The following ZNF330 variants were observed in gnomAD, a reference collection of about 807,000 sequenced individuals.
ZNF330 encodes zinc finger protein 330.
In ZNF330, 31 loss-of-function variants were observed where a neutral mutation model predicts 45.5. That is an observed-to-expected ratio of 0.68 (90% CI 0.51 to 0.92). ZNF330 has a LOEUF of 0.92. ZNF330 is among the 40% of genes least tolerant of loss of function. The pLI is 0.00. For missense variants in ZNF330, 356 were observed against 387.4 expected, an observed-to-expected ratio of 0.92 and a Z score of 0.68; for synonymous variants, 138 against 123.2, an observed-to-expected ratio of 1.12 and a Z score of -0.79.
Position 141,229,650 on chromosome 4 carries a change from T to G in ZNF330, c.371T>G (p.Leu124Arg). The G allele has an allele frequency of 6.2e-7, 1 of 1,613,238 alleles. No individual in the cohort carries two copies. The highest frequency in any genetic ancestry group is 8.5e-7 in the Non-Finnish European group (1 of 1,179,350). ...AGTACACATGCTTGTGCCTGCCCTC[T>G]TACCGATGCTGAGTGTGTTGAATGT... ...CLSTHACACP[L>R]TDAECVECER... The change falls in exon 6 of 10, where the codon CTT becomes CGT. Residue 124 changes from leucine to arginine, a missense_variant. Physicochemically the swap from Leu to Arg is moderately radical, Grantham distance 102 (BLOSUM62 -2). Coordinates refer to ENST00000262990, the MANE Select transcript of ZNF330 (RefSeq NM_014487.6).
chr4:141,229,747 T>C (rs760452956), intron 6 of ZNF330, 50 bp downstream of exon 6: 47 of 1,607,094 alleles, frequency 2.9e-5, no homozygotes, highest in Non-Finnish European at 3.7e-5. Flanking sequence ...GAATGTTGAC[T>C]TTGAAACATT....
intron 2 of ZNF330, chr4:141,223,832 T>G: frequency 4.4e-6 from 2 of 455,172 alleles, no homozygotes. Context: ...AGGTGGGATT[T>G]TCACCAGAAC....
At chr4:141,230,530 C>T (rs949913199) in intron 7 of ZNF330, among the ~76,000 whole-genome samples, 4 of 152,044 alleles carry the variant, frequency 2.6e-5, no homozygotes, top group Admixed American at 6.6e-5. Flanking sequence ...AGGACTTACA[C>T]CTTTCGTGGT....
chr4:141,231,582 G>T, intron 8 of ZNF330, 97 bp downstream of exon 8: 1 of 841,724 alleles, frequency 1.2e-6, no homozygotes, highest in Non-Finnish European at 1.8e-6. Context: ...TAATTTATAA[G>T]GGACCTTAAA....
At chr4:141,231,785 C>G (rs1578814010) in intron 8 of ZNF330, among the ~76,000 whole-genome samples, 1 of 151,982 alleles carries the variant, frequency 6.6e-6, no homozygotes, top group Non-Finnish European at 1.5e-5. Flanking sequence ...TAATTAATGT[C>G]AAAATATACC....
Position 141,233,816 on chromosome 4 carries a change from G to T in ZNF330, c.790G>T (p.Asp264Tyr), listed in dbSNP as rs1267066653. 1 of 1,613,652 alleles carries T rather than the reference G, an allele frequency of 6.2e-7. No homozygotes were observed. Among genetic ancestry groups the T allele is most frequent in the Non-Finnish European group, 8.5e-7 (1 of 1,179,796 alleles). Residue 264 changes from aspartate (D) to tyrosine (Y), a missense_variant, in exon 10 of 10, where the codon GAT becomes TAT. Transcript: ENST00000262990. ...WKNLSSDKYGDTSYHDEEEDE... is the reference protein window; with the variant it reads ...WKNLSSDKYGYTSYHDEEEDE... ...GAACCTTTCATCTGATAAGTATGGT[G>T]ATACCAGCTACCACGATGAGGAGGA...
intron 5 of ZNF330, among the ~76,000 whole-genome samples, chr4:141,227,253 G>A (rs1297765790): frequency 1.3e-5 from 2 of 151,590 alleles, no homozygotes; most frequent in African/African-American, 4.9e-5. Flanking sequence ...TTAGCATTAG[G>A]TATATCTCCT....
In ZNF330 at chr4:141,233,768, T is replaced by C. The variant is rs1729014234; in HGVS notation, c.742T>C (p.Ser248Pro). Residue 248 changes from serine to proline, a missense_variant, in exon 10 of 10, where the codon TCT becomes CCT. Physicochemically the swap from Ser to Pro is moderately conservative, Grantham distance 74. Coordinates refer to ENST00000262990, the MANE Select transcript of ZNF330 (RefSeq NM_014487.6). ...QTGGEEGDGASGYDAYWKNLS... is the reference protein window; with the variant it reads ...QTGGEEGDGAPGYDAYWKNLS... ...TGGAGGTGAAGAGGGAGATGGAGCT[T>C]CTGGGTATGATGCTTATTGGAAGAA... 6.2e-7 allele frequency: 1 copy of C among 1,613,400 alleles called. No homozygotes were observed. The highest frequency in any genetic ancestry group is 8.5e-7 in the Non-Finnish European group (1 of 1,179,712).
chr4:141,234,011 G>A lies in ZNF330; in HGVS notation c.*22G>A, dbSNP rs1454744483. 6.3e-7 allele frequency: 1 copy of A among 1,597,972 alleles called. No individual in the cohort carries two copies. The highest frequency in any genetic ancestry group is 1.1e-5 in the South Asian group (1 of 88,128). ...CTAGGGGAGCTGCTCTGGTGGCCGT[G>A]TGTGAGAGGAGCAGGAGTGAGTGTG... On this transcript the variant is annotated 3_prime_UTR_variant, in exon 10 of 10. Transcript: ENST00000262990.
At chr4:141,225,338 T>A (rs1728778566) in intron 4 of ZNF330, among the ~76,000 whole-genome samples, 1 of 152,078 alleles carries the variant, frequency 6.6e-6, no homozygotes, top group African/African-American at 2.4e-5. Flanking sequence ...GGATATTTCT[T>A]GAAAAATATA....
At chr4:141,232,668 G>A (rs1302903478) in intron 9 of ZNF330, 26 bp downstream of exon 9, 2 of 1,290,266 alleles carry the variant, frequency 1.6e-6, no homozygotes, top group African/African-American at 3.1e-5. Context: ...TACTAAGGAA[G>A]TGATTTTTGC....
At chr4:141,231,554 C>A (rs1728959404) in intron 8 of ZNF330, 69 bp downstream of exon 8, 3 of 1,118,132 alleles carry the variant, frequency 2.7e-6, no homozygotes, top group South Asian at 1.6e-5. Flanking sequence ...CAGTCCTTGG[C>A]TTATATGCAG....
chr4:141,231,356 A>G (rs907197773), intron 7 of ZNF330, 83 bp from the exon 8 acceptor site: 32 of 1,332,608 alleles, frequency 2.4e-5, no homozygotes, highest in African/African-American at 3.0e-5. Context: ...ATTCCATTGC[A>G]AGCTTTTAGT....
At chr4:141,231,357 A>G (rs1728950783) in intron 7 of ZNF330, 82 bp from the exon 8 acceptor site, 1 of 1,342,242 alleles carries the variant, frequency 7.5e-7, no homozygotes, top group African/African-American at 1.5e-5. Context: ...TTCCATTGCA[A>G]GCTTTTAGTG....
chr4:141,230,409 C>A, intron 7 of ZNF330, 139 bp downstream of exon 7: 1 of 565,186 alleles, frequency 1.8e-6, no homozygotes, highest in Non-Finnish European at 3.0e-6. Context: ...TTTTCTGTTT[C>A]TAGAAAACAG....
chr4:141,229,961 G>A (rs767758685), intron 6 of ZNF330, among the ~76,000 whole-genome samples: 3 of 152,022 alleles, frequency 2.0e-5, no homozygotes, highest in Non-Finnish European at 4.4e-5. Context: ...AGCTAGTGGA[G>A]AGTAAGAGCC....
rs1728656200 is a variant in ZNF330, at chr4:141,220,927, A to G, written c.-188A>G. The G allele has an allele frequency of 6.6e-6, 1 of 152,224 alleles. No homozygotes were observed. Among genetic ancestry groups the G allele is most frequent in the African/African-American group, 2.4e-5 (1 of 41,454 alleles). The allele number at this position is 152,224 out of a possible 1,614,324, so 9.4% of individuals were successfully genotyped here. The stretch of plus-strand genomic sequence containing the variant: ...TAAAAGGACGTCCGGTCCGTCTCCT[A>G]GTGTCCGGAATCGGCTGTCAGCCTC... On this transcript the variant is annotated 5_prime_UTR_variant, in exon 1 of 10. Transcript: ENST00000262990.
intron 4 of ZNF330, 52 bp from the exon 5 acceptor site, chr4:141,226,715 C>A: frequency 7.2e-7 from 1 of 1,390,696 alleles, no homozygotes; most frequent in Non-Finnish European, 1.0e-6. Context: ...TTCGTGAGTA[C>A]TGGTATGTAT....
In ZNF330 at chr4:141,234,055, T is replaced by C; in HGVS notation, c.*66T>C. On this transcript the variant is annotated 3_prime_UTR_variant, in exon 10 of 10. Coordinates refer to ENST00000262990, the MANE Select transcript of ZNF330 (RefSeq NM_014487.6). ...GAGTGTGTGTGCTTGATGAATTGTG[T>C]GTGGTTGTTCAAAAGTACCTTAGCC... 1 of 1,534,994 alleles carries C rather than the reference T, an allele frequency of 6.5e-7. No individual in the cohort carries two copies. Among genetic ancestry groups the C allele is most frequent in the Non-Finnish European group, 8.7e-7 (1 of 1,145,772 alleles).
Sources: gnomAD v4.1 joint callset for allele counts (sites outside exome capture counted in the v4.1 genomes callset) on GRCh38, gnomAD v4.1.1 for gene constraint, MANE v1.5 for transcripts, NCBI Gene and HGNC (gene_info 2026-07-23, HGNC 2026-07-21) for gene names.